The following HRH2 variants were observed in gnomAD, a reference collection of about 807,000 sequenced individuals.
The protein encoded by HRH2 is histamine receptor H2.
HRH2 carries 4 observed loss-of-function variants against 20.1 expected under a neutral mutation model. The observed-to-expected ratio is 0.20, with a 90% CI of 0.10 to 0.45. HRH2 has a LOEUF of 0.45. Ranked by LOEUF, HRH2 falls within the 20% of genes least tolerant of loss-of-function variation. The pLI is 0.99. For missense variants in HRH2, 250 were observed against 461.6 expected (o/e 0.54, Z 4.20); for synonymous variants, 197 against 200.7 (o/e 0.98, Z 0.16).
chr5:175,684,317 C>A lies in HRH2; in HGVS notation c.1076+8C>A. On this transcript the variant is annotated splice_region_variant and intron_variant, in intron 2 of 2. Transcript: ENST00000636584. Reference sequence around the variant, plus strand: ...CCAGGGAGCCACAGACAGGTAATAGCCCTAGCCATTGGTGCACAGGATGGG... The same window carrying A: ...CCAGGGAGCCACAGACAGGTAATAGACCTAGCCATTGGTGCACAGGATGGG... The A allele has an allele frequency of 2.5e-6, 4 of 1,611,494 alleles. 1 individual carries two copies. In the Middle Eastern group the frequency reaches 6.6e-4, roughly 267 times the overall value.
chr5:175,690,118 G>T (rs1016738099), intron 2 of HRH2, among the ~76,000 whole-genome samples: 2 of 152,188 alleles, frequency 1.3e-5, no homozygotes, highest in Non-Finnish European at 2.9e-5. Context: ...TTTAGCACAT[G>T]GTTTCAGCGT....
chr5:175,705,404 TA>T (rs1166315712), intron 2 of HRH2, among the ~76,000 whole-genome samples: 1 of 152,180 alleles, frequency 6.6e-6, no homozygotes, highest in Non-Finnish European at 1.5e-5. Flanking sequence ...CTTGTAATGG[TA>T]AAAAACTCGA....
At chr5:175,688,486 G>A (rs1561733797) in intron 2 of HRH2, among the ~76,000 whole-genome samples, 1 of 152,232 alleles carries the variant, frequency 6.6e-6, no homozygotes, top group Admixed American at 6.5e-5. Flanking sequence ...ACTGTTTGCA[G>A]TAGAGCAGTG....
chr5:175,664,849 G>T (rs1348269953), intron 1 of HRH2, among the ~76,000 whole-genome samples: 1 of 152,130 alleles, frequency 6.6e-6, no homozygotes, highest in Non-Finnish European at 1.5e-5. Flanking sequence ...TGTTGCCCAG[G>T]CTGGTCTCAA....
intron 1 of HRH2, among the ~76,000 whole-genome samples, chr5:175,665,567 G>T (rs1208284923): frequency 6.6e-6 from 1 of 152,150 alleles, no homozygotes; most frequent in Non-Finnish European, 1.5e-5. Flanking sequence ...ACCACTGACT[G>T]TTGCTTCCAG....
Position 175,684,023 on chromosome 5 carries a change from G to A in HRH2, c.790G>A (p.Ala264Thr), listed in dbSNP as rs1466413560. ...GTACCGTGGGCTGAGAGGGGATGAT[G>A]CCATCAATGAGGTGTTAGAAGCCAT... ...FVYRGLRGDD[A>T]INEVLEAIVL... The change falls in exon 2 of 3, where the codon GCC becomes ACC. Residue 264 changes from alanine to threonine, a missense_variant. By Grantham distance (58) the Ala-to-Thr change is moderately conservative. Coordinates refer to ENST00000636584, the MANE Select transcript of HRH2 (RefSeq NM_001367711.1). 4.3e-6 allele frequency: 7 copies of A among 1,614,166 alleles called. No homozygotes were observed. Among genetic ancestry groups the A allele is most frequent in the Non-Finnish European group, 5.9e-6 (7 of 1,180,030 alleles).
intron 1 of HRH2, among the ~76,000 whole-genome samples, chr5:175,659,225 G>A (rs1762661840): frequency 6.6e-6 from 1 of 152,136 alleles, no homozygotes; most frequent in South Asian, 2.1e-4. Context: ...TCAGATGGCA[G>A]TTTTTGTCCT....
intron 1 of HRH2, among the ~76,000 whole-genome samples, chr5:175,665,616 G>C (rs1159979957): frequency 2.0e-5 from 3 of 152,202 alleles, no homozygotes; most frequent in African/African-American, 7.2e-5. Context: ...CCCATTGCTA[G>C]AGCTAGAAAG....
At chr5:175,690,279 G>T (rs759908996) in intron 2 of HRH2, among the ~76,000 whole-genome samples, 33 of 152,166 alleles carry the variant, frequency 2.2e-4, no homozygotes, top group Admixed American at 2.1e-3. Flanking sequence ...GTGCTCTCCT[G>T]GGGTGTTGGA....
rs1321085918 is a variant in HRH2, at chr5:175,686,862, C to G, written c.1076+2553C>G. The stretch of plus-strand genomic sequence containing the variant: ...AAGGGATACAACCCAAAGTTGCGAT[C>G]TGAGCAACAACAGAAATAGCAGCGC... On this transcript the variant is annotated intron_variant, in intron 2 of 2. Coordinates refer to ENST00000636584, the MANE Select transcript of HRH2 (RefSeq NM_001367711.1). This position sits in a 1 kb window ranked among gnomAD's most constrained non-coding sequence, Gnocchi z 4.7. Among the ~76,000 whole-genome samples, 1 of 152,236 alleles carries G rather than the reference C, an allele frequency of 6.6e-6. No homozygotes were observed. Among genetic ancestry groups the G allele is most frequent in the Non-Finnish European group, 1.5e-5 (1 of 68,046 alleles).
intron 2 of HRH2, among the ~76,000 whole-genome samples, chr5:175,695,886 G>A (rs1300745419): frequency 6.6e-6 from 1 of 152,270 alleles, no homozygotes; most frequent in Non-Finnish European, 1.5e-5. Flanking sequence ...GAGCCAGTCA[G>A]AGGCTACAGA....
At chr5:175,664,739 G>A (rs10071874) in intron 1 of HRH2, among the ~76,000 whole-genome samples, 39,055 of 151,912 alleles carry the variant, frequency 0.26, 7,246 homozygotes, top group African/African-American at 0.52. Context: ...GGCTCAAGCA[G>A]TCCTCCCACC....
At position 175,681,845 on chromosome 5, in the gene HRH2, C is replaced by T. The variant is rs889758954; in HGVS notation, c.-525-864C>T. Among the ~76,000 whole-genome samples the T allele has an allele frequency of 2.0e-5, 3 of 152,158 alleles. No homozygotes were observed. The highest frequency in any genetic ancestry group is 7.2e-5 in the African/African-American group (3 of 41,440). ...CCCTGCTGACCTGGATGTGGGATCA[C>T]GTGTTCTGCCAAGTAAGACCAGTAA... On this transcript the variant is annotated intron_variant, in intron 1 of 2. Coordinates refer to ENST00000636584, the MANE Select transcript of HRH2 (RefSeq NM_001367711.1). This position sits in a 1 kb window ranked among gnomAD's most constrained non-coding sequence, Gnocchi z 4.3.
At chr5:175,698,510 A>T (rs1756683711) in intron 2 of HRH2, among the ~76,000 whole-genome samples, 1 of 152,228 alleles carries the variant, frequency 6.6e-6, no homozygotes, top group Non-Finnish European at 1.5e-5. Flanking sequence ...AGAAAAAAAG[A>T]TGCAAAACAC....
chr5:175,662,105 G>A (rs1694174918), intron 1 of HRH2, among the ~76,000 whole-genome samples: 1 of 152,138 alleles, frequency 6.6e-6, no homozygotes, highest in Non-Finnish European at 1.5e-5. Context: ...TGGTGTGTAA[G>A]CAGGGTCCTC....
rs1230659984 is a variant in HRH2 at position 175,710,467 on chromosome 5, A to C, written c.*2496A>C. ...GGAAGTTTTCCCAGGAGTCTGAGGC[A>C]GGCAGGTCTCTCAGTCACGGCCACA... is the stretch of plus-strand genomic sequence containing the variant. On this transcript the variant is annotated 3_prime_UTR_variant, in exon 3 of 3. Coordinates refer to ENST00000636584, the MANE Select transcript of HRH2 (RefSeq NM_001367711.1). 1 of 152,340 alleles carries C rather than the reference A, an allele frequency of 6.6e-6. No individual in the cohort carries two copies. Among genetic ancestry groups the C allele is most frequent in the Non-Finnish European group, 1.5e-5 (1 of 68,138 alleles). The allele number at this position is 152,340 out of a possible 1,614,324, so 9.4% of individuals were successfully genotyped here. A position where few individuals can be genotyped will look rare whatever the true frequency, so the allele number is the denominator to read the frequency against.
chr5:175,699,674 C>G (rs1457728224), intron 2 of HRH2, among the ~76,000 whole-genome samples: 3 of 152,096 alleles, frequency 2.0e-5, no homozygotes, highest in South Asian at 2.1e-4. Flanking sequence ...CCTGGGTTCA[C>G]GCCATTCTCC....
At chr5:175,658,387 C>A (rs1345804334) in intron 1 of HRH2, among the ~76,000 whole-genome samples, 1 of 152,158 alleles carries the variant, frequency 6.6e-6, no homozygotes, top group Admixed American at 6.5e-5. Context: ...TGTCTGTGAC[C>A]GCGGGGGTCG....
At chr5:175,703,085 A>C (rs141074918) in intron 2 of HRH2, among the ~76,000 whole-genome samples, 10 of 152,350 alleles carry the variant, frequency 6.6e-5, no homozygotes, top group Non-Finnish European at 1.3e-4. Flanking sequence ...GTAAAAAATT[A>C]GTAATTAATA....
Sources: gnomAD v4.1 joint callset for allele counts (sites outside exome capture counted in the v4.1 genomes callset) on GRCh38, gnomAD v4.1.1 for gene constraint, Gnocchi (gnomAD v3.1) non-coding constraint, MANE v1.5 for transcripts, NCBI Gene and HGNC (gene_info 2026-07-23, HGNC 2026-07-21) for gene names.